COX7B2: variants seen among roughly 807,000 people sequenced by gnomAD.
COX7B2 encodes cytochrome c oxidase subunit 7B2, mitochondrial.
For missense variants in COX7B2, 109 were observed against 95.9 expected (o/e 1.14, Z -0.57); for synonymous variants, 37 against 32.1 (o/e 1.15, Z -0.51).
chr4:46,804,776 T>C (rs541477374), intron 2 of COX7B2, among the ~76,000 whole-genome samples: 19 of 152,338 alleles, frequency 1.2e-4, no homozygotes, highest in African/African-American at 4.6e-4. Context: ...ACCCAGTGTA[T>C]CCCCTACCGG....
chr4:46,814,334 C>T (rs1451554806), intron 2 of COX7B2, among the ~76,000 whole-genome samples: 3 of 152,146 alleles, frequency 2.0e-5, no homozygotes, highest in Non-Finnish European at 4.4e-5. Flanking sequence ...CAAGGTGATA[C>T]AAAATTCGGC....
chr4:46,768,531 C>T (rs1234604126), intron 2 of COX7B2, among the ~76,000 whole-genome samples: 1 of 152,088 alleles, frequency 6.6e-6, no homozygotes, highest in Non-Finnish European at 1.5e-5. Flanking sequence ...AATTTAGGGC[C>T]ATAGGTCTAT....
chr4:46,744,728 A>C (rs1262453930), intron 2 of COX7B2, among the ~76,000 whole-genome samples: 4 of 150,246 alleles, frequency 2.7e-5, no homozygotes, highest in African/African-American at 7.3e-5. Context: ...TAGATATCAA[A>C]GATATTTTAA....
intron 1 of COX7B2, among the ~76,000 whole-genome samples, chr4:46,851,777 A>G (rs986413080): frequency 6.6e-6 from 1 of 152,112 alleles, no homozygotes; most frequent in Non-Finnish European, 1.5e-5. Flanking sequence ...TGATCTATCA[A>G]ATTACAATGA....
chr4:46,882,920 C>T (rs1289306283), intron 1 of COX7B2, among the ~76,000 whole-genome samples: 1 of 152,124 alleles, frequency 6.6e-6, no homozygotes, highest in Non-Finnish European at 1.5e-5. Context: ...TTCCATATTA[C>T]TTGTGATAAA....
At chr4:46,802,136 T>G (rs1718688336) in intron 2 of COX7B2, among the ~76,000 whole-genome samples, 1 of 152,142 alleles carries the variant, frequency 6.6e-6, no homozygotes. Flanking sequence ...TTTCCATTCA[T>G]GTGATCAAAA....
At chr4:46,779,944 TA>T (rs1210939344) in intron 2 of COX7B2, among the ~76,000 whole-genome samples, 1 of 152,136 alleles carries the variant, frequency 6.6e-6, no homozygotes, top group African/African-American at 2.4e-5. Flanking sequence ...TATGGTATAG[TA>T]AAAATGTGTT....
At chr4:46,772,113 C>A (rs1467207628) in intron 2 of COX7B2, among the ~76,000 whole-genome samples, 2 of 151,590 alleles carry the variant, frequency 1.3e-5, no homozygotes, top group African/African-American at 4.8e-5. Context: ...ATTATTGAGC[C>A]AAAAAAGGGA....
intron 2 of COX7B2, among the ~76,000 whole-genome samples, chr4:46,738,153 TA>T (rs1714479654): frequency 6.6e-6 from 1 of 152,126 alleles, no homozygotes; most frequent in Admixed American, 6.5e-5. Context: ...GGAAGACACA[TA>T]ACCAAAGAAT....
chr4:46,892,637 A>T (rs747284555), intron 1 of COX7B2, among the ~76,000 whole-genome samples: 2 of 152,220 alleles, frequency 1.3e-5, no homozygotes, highest in Non-Finnish European at 2.9e-5. Context: ...ATAATCAGAA[A>T]AAAATGACTC....
chr4:46,811,098 C>G (rs1719262965), intron 2 of COX7B2, among the ~76,000 whole-genome samples: 1 of 152,078 alleles, frequency 6.6e-6, no homozygotes, highest in African/African-American at 2.4e-5. Context: ...CTTTGACTTT[C>G]AACAGTTTGG....
At chr4:46,873,163 T>C (rs1407468094) in intron 1 of COX7B2, among the ~76,000 whole-genome samples, 4 of 152,224 alleles carry the variant, frequency 2.6e-5, no homozygotes, top group Non-Finnish European at 5.9e-5. Flanking sequence ...CATCCTTTTT[T>C]ACAGCTGCAT....
chr4:46,756,989 C>T (rs1296976076), intron 2 of COX7B2, among the ~76,000 whole-genome samples: 1 of 152,038 alleles, frequency 6.6e-6, no homozygotes, highest in Non-Finnish European at 1.5e-5. Context: ...TACATCTGTA[C>T]ATTTATCACA....
intron 2 of COX7B2, among the ~76,000 whole-genome samples, chr4:46,749,057 C>T (rs1715188577): frequency 6.6e-6 from 1 of 152,078 alleles, no homozygotes; most frequent in South Asian, 2.1e-4. Flanking sequence ...TGCTCTTCTA[C>T]TCCCAAGTTT....
intron 2 of COX7B2, among the ~76,000 whole-genome samples, chr4:46,837,461 TA>T (rs1715596341): frequency 6.6e-6 from 1 of 152,138 alleles, no homozygotes; most frequent in Non-Finnish European, 1.5e-5. Flanking sequence ...ACATCTAGAA[TA>T]GGCAAATTCA....
intron 2 of COX7B2, among the ~76,000 whole-genome samples, chr4:46,780,987 C>T (rs1327619767): frequency 6.6e-6 from 1 of 152,126 alleles, no homozygotes; most frequent in Non-Finnish European, 1.5e-5. Flanking sequence ...ATTATCTCTG[C>T]AGAGGTGTCT....
chr4:46,841,384 G>C (rs1185668832), intron 2 of COX7B2, among the ~76,000 whole-genome samples: 1 of 138,478 alleles, frequency 7.2e-6, no homozygotes, highest in Non-Finnish European at 1.6e-5. Flanking sequence ...TTTAAGATGG[G>C]CTGGCAGGAG....
intron 2 of COX7B2, among the ~76,000 whole-genome samples, chr4:46,762,243 T>TTATA (rs1285884481): frequency 7.0e-6 from 1 of 142,272 alleles, no homozygotes; most frequent in Non-Finnish European, 1.5e-5. Flanking sequence ...ATTAAATATA[T>TTATA]TATATATTTA....
chr4:46,843,023 G>A (rs1716038244), intron 2 of COX7B2, among the ~76,000 whole-genome samples: 2 of 152,076 alleles, frequency 1.3e-5, no homozygotes, highest in Non-Finnish European at 2.9e-5. Flanking sequence ...CACCAACAGT[G>A]TAAAAGTGTT....
Sources: gnomAD v4.1 joint callset for allele counts (sites outside exome capture counted in the v4.1 genomes callset) on GRCh38, gnomAD v4.1.1 for gene constraint, MANE v1.5 for transcripts, NCBI Gene and HGNC (gene_info 2026-07-23, HGNC 2026-07-21) for gene names.